Variants in KMT2C observed in about 807,000 individuals in gnomAD.
KMT2C encodes the protein histone-lysine N-methyltransferase 2C.
In KMT2C, 88 loss-of-function variants were observed where a neutral mutation model predicts 507.9. That is an observed-to-expected ratio of 0.17 (90% CI 0.15 to 0.21). The LOEUF is 0.21. KMT2C is among the 10% of genes least tolerant of loss of function. The pLI is 1.00. For synonymous variants in KMT2C, 2,049 were observed against 2,080.8 expected (o/e 0.98, Z 0.42); for missense variants, 4,954 against 5,957.8 (o/e 0.83, Z 5.55).
rs2129200552 is a variant in KMT2C at position 152,311,912 on chromosome 7, C to T, written c.625G>A (p.Val209Ile). The stretch of plus-strand genomic sequence containing the variant: ...GAAGCTGTCTGGGTGCTTACACTTA[C>T]ACAAGATACTATATTCTGCTGAGGA... ...RSPQQNIVSC[V>I]SVSTQTASDD... Residue 209 changes from valine (V) to isoleucine (I), a missense_variant, in exon 5 of 59, where the codon GTA (valine) becomes ATA (isoleucine). By Grantham distance (29) the Val-to-Ile change is conservative. Around this residue, in one of 29 missense-constraint regions of KMT2C, gnomAD observed 233 missense variants for 263.6 expected, o/e 0.88. Coordinates refer to ENST00000262189, the MANE Select transcript of KMT2C (RefSeq NM_170606.3). 2 of 1,609,764 alleles carry T rather than the reference C, an allele frequency of 1.2e-6. No individual in the cohort carries two copies. Among genetic ancestry groups the T allele is most frequent in the East Asian group, 2.2e-5 (1 of 44,828 alleles).
At chr7:152,178,488 T>C (rs2093309839) in intron 37 of KMT2C, among the ~76,000 whole-genome samples, 1 of 152,166 alleles carries the variant, frequency 6.6e-6, no homozygotes, top group Non-Finnish European at 1.5e-5. Flanking sequence ...GGTTTGATGA[T>C]GGGATAGAAT....
chr7:152,364,954 C>CACAA (rs1250220875), intron 1 of KMT2C, among the ~76,000 whole-genome samples: 14 of 152,004 alleles, frequency 9.2e-5, no homozygotes, highest in African/African-American at 3.4e-4. Context: ...CACACACACA[C>CACAA]ACACACACAC....
intron 3 of KMT2C, among the ~76,000 whole-genome samples, chr7:152,317,392 G>A (rs772609532): frequency 6.6e-6 from 1 of 152,052 alleles, no homozygotes; most frequent in Non-Finnish European, 1.5e-5. Context: ...ACAACATTGT[G>A]CCCAACCACA....
At chr7:152,179,557 T>A (rs1261532871) in intron 37 of KMT2C, among the ~76,000 whole-genome samples, 2 of 151,768 alleles carry the variant, frequency 1.3e-5, no homozygotes, top group Non-Finnish European at 2.9e-5. Context: ...TTATATATAT[T>A]TCAAAGGGGA....
At chr7:152,431,810 T>G (rs2097864790) in intron 1 of KMT2C, among the ~76,000 whole-genome samples, 1 of 152,156 alleles carries the variant, frequency 6.6e-6, no homozygotes, top group Non-Finnish European at 1.5e-5. Flanking sequence ...TATTAAGAAT[T>G]GCTGTCATAA....
intron 1 of KMT2C, among the ~76,000 whole-genome samples, chr7:152,385,201 C>G (rs1292957143): frequency 6.6e-6 from 1 of 152,146 alleles, no homozygotes; most frequent in Non-Finnish European, 1.5e-5. Context: ...AGGAACTCTA[C>G]AGGGCAAATA....
Position 152,150,985 on chromosome 7 carries a change from C to T in KMT2C, c.12689G>A (p.Arg4230Lys). ...LNKDSRESTK[R>K]VEKDIVFCSN... ...ACAGAAGACAATGTCCTTCTCTACC[C>T]TCTTGGTGCTTTCTCGGGAATCCTG... Residue 4230 changes from arginine (R) to lysine (K), a missense_variant, in exon 51 of 59, where the codon AGG becomes AAG. By Grantham distance (26) the Arg-to-Lys change is conservative. This residue lies in a region of KMT2C where 417 missense variants were observed against 461.1 expected (regional missense o/e 0.90). Coordinates refer to ENST00000262189, the MANE Select transcript of KMT2C (RefSeq NM_170606.3). The T allele has an allele frequency of 6.2e-7, 1 of 1,610,438 alleles. No homozygotes were observed.
Position 152,163,385 on chromosome 7 carries a change from G to T in KMT2C, c.10192C>A (p.Arg3398=), listed in dbSNP as rs746034306. The change falls in exon 43 of 59, where the codon CGG becomes AGG. Residue 3398 remains arginine (R), a synonymous_variant. Transcript: ENST00000262189. ...NNPFSESFQE[R]ERKERLREQQ... is the part of the protein sequence containing the mutation. ...TCTCGTAAACGTTCCTTACGTTCCC[G>T]TTCTTGAAAACTTTCACTAAAGGGA... is the stretch of plus-strand genomic sequence containing the variant. 6 of 1,614,090 alleles carry T rather than the reference G, an allele frequency of 3.7e-6. No individual in the cohort carries two copies. Among genetic ancestry groups the T allele is most frequent in the Non-Finnish European group, 4.2e-6 (5 of 1,180,008 alleles).
intron 3 of KMT2C, among the ~76,000 whole-genome samples, chr7:152,328,763 A>G (rs1234424876): frequency 6.6e-6 from 1 of 152,182 alleles, no homozygotes; most frequent in Non-Finnish European, 1.5e-5. Flanking sequence ...TTAAGACACT[A>G]ACAAGTTGTT....
At chr7:152,356,140 T>C (rs2097149343) in intron 2 of KMT2C, among the ~76,000 whole-genome samples, 1 of 152,180 alleles carries the variant, frequency 6.6e-6, no homozygotes. Flanking sequence ...TGATGGTAGA[T>C]GAATATGGAA....
In KMT2C at chr7:152,195,936, T is replaced by A. The variant is rs146504747; in HGVS notation, c.4349A>T (p.Asp1450Val). Reference protein sequence around the residue: ...TDDDILGIISDDLAKSVDHSD... With the variant: ...TDDDILGIISVDLAKSVDHSD... Reference sequence around the variant, plus strand: ...ATGATCAACTGATTTTGCTAGATCATCTGAAATTATTCCAAGAATGTCATC... The same window carrying A: ...ATGATCAACTGATTTTGCTAGATCAACTGAAATTATTCCAAGAATGTCATC... Residue 1450 changes from aspartate (D) to valine (V), a missense_variant, in exon 28 of 59, where the codon GAT becomes GTT. Asp to Val is a radical substitution (Grantham distance 152). This residue lies in a region of KMT2C where 140 missense variants were observed against 118.4 expected (regional missense o/e 1.18). Coordinates refer to ENST00000262189, the MANE Select transcript of KMT2C (RefSeq NM_170606.3). The A allele has an allele frequency of 6.2e-7, 1 of 1,606,490 alleles. No individual in the cohort carries two copies. The highest frequency in any genetic ancestry group is 8.5e-7 in the Non-Finnish European group (1 of 1,174,432).
chr7:152,243,215 A>C (rs1444374626), intron 14 of KMT2C, among the ~76,000 whole-genome samples: 1 of 152,194 alleles, frequency 6.6e-6, no homozygotes, highest in Non-Finnish European at 1.5e-5. Context: ...TAATTTCACA[A>C]TACAAATTAG....
At chr7:152,220,248 A>C in intron 23 of KMT2C, 1 of 410,656 alleles carries the variant, frequency 2.4e-6, no homozygotes, top group East Asian at 4.4e-5. Context: ...ACTAAAGTCA[A>C]GCCCTCTGTA....
At chr7:152,374,457 A>C (rs2097313663) in intron 1 of KMT2C, among the ~76,000 whole-genome samples, 1 of 152,216 alleles carries the variant, frequency 6.6e-6, no homozygotes, top group Non-Finnish European at 1.5e-5. Context: ...AAAGAGTGAA[A>C]GTCTCTGAAC....
In KMT2C at chr7:152,273,955, G is replaced by A. The variant is rs1412785957; in HGVS notation, c.850-88C>T. The A allele has an allele frequency of 9.0e-6, 12 of 1,335,246 alleles. No homozygotes were observed. The African/African-American group carries it at 1.3e-4, about 15-fold the overall frequency. The allele number at this position is 1,335,246 out of a possible 1,614,324, so 82.7% of individuals were successfully genotyped here. ...GCTGGGAAGGTATAAAAAACTCTCT[G>A]TATATCACAAGTAAAACAAATTGAA... On this transcript the variant is annotated intron_variant, in intron 6 of 58. Transcript: ENST00000262189.
At position 152,315,654 on chromosome 7, in the gene KMT2C, G is replaced by A. The variant is rs371226686; in HGVS notation, c.390-316C>T. 4.8e-4 allele frequency among the ~76,000 whole-genome samples: 73 copies of A among 152,246 alleles called. 1 individual carries two copies. The highest frequency in any genetic ancestry group is 1.5e-3 in the African/African-American group (62 of 41,552). On this transcript the variant is annotated intron_variant, in intron 3 of 58. Coordinates refer to ENST00000262189, the MANE Select transcript of KMT2C (RefSeq NM_170606.3). ...AAAAAATCCAAGTAAGAAAGCTAAA[G>A]GTGGGGGCCAAGCACGGTGGCTCAT...
At chr7:152,179,700 G>T (rs1325131863) in intron 37 of KMT2C, 134 bp downstream of exon 37, 6 of 676,990 alleles carry the variant, frequency 8.9e-6, no homozygotes, top group Middle Eastern at 4.3e-4. Flanking sequence ...GCCCAGGCTG[G>T]TCTCAAACTC....
chr7:152,202,386 T>A (rs527930853), intron 26 of KMT2C, among the ~76,000 whole-genome samples: 10 of 152,194 alleles, frequency 6.6e-5, no homozygotes, highest in South Asian at 2.1e-4. Flanking sequence ...TAGAAAAAAA[T>A]TTTTTTTGTA....
At chr7:152,139,338 T>C (rs2090254474) in intron 56 of KMT2C, 79 bp from the exon 57 acceptor site, 2 of 1,354,814 alleles carry the variant, frequency 1.5e-6, no homozygotes. Context: ...CCAGGAGGAC[T>C]CAGTCGAAAC....
Sources: allele counts gnomAD v4.1 joint callset (sites outside exome capture counted in the v4.1 genomes callset), GRCh38; gene constraint gnomAD v4.1.1; regional missense constraint gnomAD v4.1.1; transcripts MANE v1.5; gene names NCBI Gene and HGNC (gene_info 2026-07-23, HGNC 2026-07-21).